DAB1: variants seen among roughly 807,000 people sequenced by gnomAD.
The protein encoded by DAB1 is disabled homolog 1.
In DAB1, 15 loss-of-function variants were observed where a neutral mutation model predicts 64.6. The ratio of observed to expected loss-of-function variants is 0.23; its 90% CI spans 0.16 to 0.36. The LOEUF (loss-of-function observed/expected upper bound fraction) is 0.36, where lower values mean the gene tolerates loss of function less well. Among genes scored for constraint, DAB1 ranks in the 10% least tolerant of loss-of-function variants. The pLI, the probability that DAB1 is intolerant of heterozygous loss-of-function variation, is 1.00. For synonymous variants in DAB1, 235 were observed against 251.9 expected (o/e 0.93, Z 0.64); for missense variants, 596 against 706.7 (o/e 0.84, Z 1.78).
intron 3 of DAB1, among the ~76,000 whole-genome samples, chr1:58,436,704 G>A (rs979448137): frequency 3.3e-5 from 5 of 152,170 alleles, no homozygotes; most frequent in African/African-American, 7.2e-5. Context: ...AATTAAGAAC[G>A]TTTGTATCCA....
intron 5 of DAB1, among the ~76,000 whole-genome samples, chr1:58,105,383 C>T (rs568679597): frequency 8.4e-4 from 128 of 152,296 alleles, no homozygotes; most frequent in Non-Finnish European, 5.0e-4. Flanking sequence ...CAAGGGCTGC[C>T]ATTGCTTTAG....
At chr1:58,517,874 T>C (rs1489772402) in intron 2 of DAB1, among the ~76,000 whole-genome samples, 1 of 151,824 alleles carries the variant, frequency 6.6e-6, no homozygotes, top group African/African-American at 2.4e-5. Flanking sequence ...CAATGTCTTC[T>C]TAAAGCCTTA....
chr1:58,464,253 G>A (rs1569834643), intron 3 of DAB1, among the ~76,000 whole-genome samples: 1 of 152,326 alleles, frequency 6.6e-6, no homozygotes, highest in East Asian at 1.9e-4. Flanking sequence ...TGTGTGTATT[G>A]TCATGCATAC....
chr1:57,245,003 G>T (rs1668757823), intron 2 of DAB1, among the ~76,000 whole-genome samples: 1 of 152,192 alleles, frequency 6.6e-6, no homozygotes, highest in Non-Finnish European at 1.5e-5. Flanking sequence ...GTAGAGGTTG[G>T]AACAGTTTGA....
At chr1:57,794,680 C>T (rs1650757576) in intron 6 of DAB1, among the ~76,000 whole-genome samples, 1 of 152,150 alleles carries the variant, frequency 6.6e-6, no homozygotes, top group Admixed American at 6.5e-5. Context: ...AAATTCCAGC[C>T]CCCTAGACTG....
At chr1:57,513,791 A>C in intron 7 of DAB1, among the ~76,000 whole-genome samples, 1 of 151,936 alleles carries the variant, frequency 6.6e-6, no homozygotes, top group Non-Finnish European at 1.5e-5. Context: ...TGAATTTATT[A>C]CTCCTGTTTT....
chr1:58,488,261 AT>A, intron 3 of DAB1, among the ~76,000 whole-genome samples: 1 of 152,134 alleles, frequency 6.6e-6, no homozygotes, highest in African/African-American at 2.4e-5. Context: ...CCATCTTTTA[AT>A]TTTTGTTATA....
At chr1:57,649,327 C>A (rs926544183) in intron 7 of DAB1, among the ~76,000 whole-genome samples, 6 of 152,190 alleles carry the variant, frequency 3.9e-5, no homozygotes, top group Admixed American at 3.9e-4. Context: ...CCTAAGGATC[C>A]TGATGACATT....
intron 9 of DAB1, among the ~76,000 whole-genome samples, chr1:57,038,830 C>A (rs144527294): frequency 6.6e-6 from 1 of 152,222 alleles, no homozygotes; most frequent in African/African-American, 2.4e-5. Flanking sequence ...GGAAGTTCGG[C>A]ATGGGGAATG....
chr1:58,294,865 C>CGTGTGTGT (rs55922554), intron 4 of DAB1, among the ~76,000 whole-genome samples: 31,885 of 137,372 alleles, frequency 0.23, 4,235 homozygotes, highest in Non-Finnish European at 0.31. Context: ...TGGTCCAGAA[C>CGTGTGTGT]GTGTGTGTGT....
At chr1:57,163,233 G>A (rs939788352) in intron 2 of DAB1, among the ~76,000 whole-genome samples, 10 of 152,324 alleles carry the variant, frequency 6.6e-5, no homozygotes, top group African/African-American at 2.4e-4. Flanking sequence ...AGGGATAAGT[G>A]TTATGAAGGG....
At chr1:57,111,593 A>T (rs74972477) in intron 4 of DAB1, among the ~76,000 whole-genome samples, 4,471 of 152,274 alleles carry the variant, frequency 0.029, 87 homozygotes, top group Non-Finnish European at 0.042. Context: ...GTGTCCCCTT[A>T]TCAGAGACAC....
Position 58,528,648 on chromosome 1 carries a change from A to C in DAB1, n.33-1313T>G, listed in dbSNP as rs929492755. Among the ~76,000 whole-genome samples the C allele has an allele frequency of 5.3e-5, 8 of 152,180 alleles. No homozygotes were observed. In the South Asian group the frequency reaches 8.3e-4, roughly 16 times the overall value. On this transcript the variant is annotated intron_variant and non_coding_transcript_variant, in intron 1 of 20. Transcript: ENST00000485760. ...CAGGACAACTCCCCCACAACAAAGA[A>C]TTATCCAGTCCAAAGTGTGAGTAGT... is the stretch of plus-strand genomic sequence containing the variant.
intron 5 of DAB1, among the ~76,000 whole-genome samples, chr1:58,103,699 G>A (rs1241629828): frequency 6.6e-6 from 1 of 152,014 alleles, no homozygotes; most frequent in Admixed American, 6.6e-5. Flanking sequence ...CTTGATGACT[G>A]GGTGTTAGTA....
rs543081062 is a variant in DAB1, at chr1:57,432,618, G to T, written n.626-141452C>A. 4.6e-5 allele frequency among the ~76,000 whole-genome samples: 7 copies of T among 152,276 alleles called. No homozygotes were observed. In the South Asian group the frequency reaches 1.4e-3, roughly 32 times the overall value. The stretch of plus-strand genomic sequence containing the variant: ...GAGGTGGGGAAATTGAGATTTATGA[G>T]GACATTGTTAAAGGATTTTGGTTTA... On this transcript the variant is annotated intron_variant and non_coding_transcript_variant, in intron 7 of 20. Transcript: ENST00000485760.
intron 2 of DAB1, among the ~76,000 whole-genome samples, chr1:57,217,869 A>G (rs1666544050): frequency 6.6e-6 from 1 of 151,778 alleles, no homozygotes; most frequent in African/African-American, 2.4e-5. Context: ...ACACCTCCCT[A>G]TATACCTTCT....
chr1:57,142,578 A>C (rs904172149), intron 3 of DAB1, among the ~76,000 whole-genome samples: 2 of 149,436 alleles, frequency 1.3e-5, no homozygotes, highest in Admixed American at 1.4e-4. Context: ...GAGGTGACAG[A>C]TGGAGCACTT....
chr1:57,862,781 C>G (rs1222987704), intron 1 of DAB1: 1 of 152,016 alleles, frequency 6.6e-6, no homozygotes, highest in Non-Finnish European at 1.5e-5. Context: ...ATCAGACTAA[C>G]CAGGTGTTGG....
chr1:57,497,786 T>C (rs1288503636), intron 7 of DAB1, among the ~76,000 whole-genome samples: 1 of 152,204 alleles, frequency 6.6e-6, no homozygotes, highest in Non-Finnish European at 1.5e-5. Context: ...CATGCAAAGC[T>C]TTTTAGGATA....
Sources: gnomAD v4.1 joint callset for allele counts (sites outside exome capture counted in the v4.1 genomes callset) on GRCh38, gnomAD v4.1.1 for gene constraint, MANE v1.5 for transcripts, NCBI Gene and HGNC (gene_info 2026-07-23, HGNC 2026-07-21) for gene names.